Variants in DCAF6 observed in about 807,000 individuals in gnomAD.
DCAF6 encodes the protein DDB1- and CUL4-associated factor 6.
In DCAF6, 54 loss-of-function variants were observed where a neutral mutation model predicts 125.1. The ratio of observed to expected loss-of-function variants is 0.43; its 90% CI spans 0.35 to 0.54. The LOEUF is 0.54. Ranked by LOEUF, DCAF6 falls within the 20% of genes least tolerant of loss-of-function variation. The probability of loss-of-function intolerance (pLI) is 0.01; values close to 1 mark genes in which losing one functional copy is unlikely to be tolerated. For synonymous variants in DCAF6, 371 were observed against 390.4 expected, an observed-to-expected ratio of 0.95 and a Z score of 0.58; for missense variants, 934 against 1,161.7, an observed-to-expected ratio of 0.80 and a Z score of 2.85.
intron 2 of DCAF6, among the ~76,000 whole-genome samples, chr1:167,962,095 G>A (rs963446632): frequency 2.0e-5 from 3 of 152,126 alleles, no homozygotes; most frequent in African/African-American, 7.2e-5. Flanking sequence ...TTGATAAAGT[G>A]TATTTTAAGG....
At chr1:168,048,522 T>G (rs1689416709) in intron 16 of DCAF6, among the ~76,000 whole-genome samples, 1 of 152,218 alleles carries the variant, frequency 6.6e-6, no homozygotes, top group Non-Finnish European at 1.5e-5. Context: ...AATATTTACA[T>G]TCTTATAATT....
chr1:167,912,356 G>A, the DCAF6 span, among the ~76,000 whole-genome samples: 19 of 152,286 alleles, frequency 1.2e-4, no homozygotes, highest in East Asian at 1.2e-3. Flanking sequence ...ACCCAACATG[G>A]CGATTCCGGA....
the DCAF6 span, among the ~76,000 whole-genome samples, chr1:167,927,539 C>T: frequency 6.6e-6 from 1 of 152,178 alleles, no homozygotes; most frequent in Non-Finnish European, 1.5e-5. Flanking sequence ...TTCATTTTTA[C>T]TCTGAACTCT....
At chr1:168,062,810 TAA>T (rs1401928585) in intron 17 of DCAF6, among the ~76,000 whole-genome samples, 1 of 152,034 alleles carries the variant, frequency 6.6e-6, no homozygotes. Flanking sequence ...AATCATTTCT[TAA>T]GAGAGTAAAA....
At chr1:168,053,910 G>A (rs1381366286) in intron 17 of DCAF6, among the ~76,000 whole-genome samples, 1 of 152,100 alleles carries the variant, frequency 6.6e-6, no homozygotes, top group African/African-American at 2.4e-5. Flanking sequence ...AGCCTCATAA[G>A]CAGACCCTTC....
chr1:167,878,331 C>T, the DCAF6 span: 1 of 1,183,966 alleles, frequency 8.4e-7, no homozygotes, highest in Non-Finnish European at 1.2e-6. Context: ...CTGGGGAAAG[C>T]ATAGATTTCA....
At chr1:167,932,658 A>T (rs1270437225), upstream of DCAF6, among the ~76,000 whole-genome samples, 1 of 151,986 alleles carries the variant, frequency 6.6e-6, no homozygotes, top group East Asian at 1.9e-4. Flanking sequence ...AAAACACAAA[A>T]ATTAGCTGAG....
intron 1 of DCAF6, among the ~76,000 whole-genome samples, chr1:167,944,650 T>G (rs910834953): frequency 2.0e-5 from 3 of 152,176 alleles, no homozygotes; most frequent in African/African-American, 7.2e-5. Flanking sequence ...AATAGGATTG[T>G]TAGATTTTTT....
At chr1:167,896,388 G>A in the DCAF6 span, among the ~76,000 whole-genome samples, 1 of 152,196 alleles carries the variant, frequency 6.6e-6, no homozygotes, top group African/African-American at 2.4e-5. Flanking sequence ...AAAGGAGTCA[G>A]TGCCTAGGGA....
At chr1:167,882,663 G>C in the DCAF6 span, among the ~76,000 whole-genome samples, 1 of 151,942 alleles carries the variant, frequency 6.6e-6, no homozygotes, top group Non-Finnish European at 1.5e-5. Flanking sequence ...GAAACCCCTG[G>C]GTAATACATC....
At chr1:168,046,982 T>A (rs1334940854) in intron 16 of DCAF6, among the ~76,000 whole-genome samples, 2 of 152,122 alleles carry the variant, frequency 1.3e-5, no homozygotes, top group African/African-American at 4.8e-5. Context: ...CATAACTATT[T>A]AGCAGCTTCT....
the DCAF6 span, chr1:167,896,650 T>G: frequency 1.2e-6 from 2 of 1,613,594 alleles, no homozygotes; most frequent in Admixed American, 3.3e-5. Context: ...TTGTGAAAAA[T>G]TCATCAAAAT....
intron 7 of DCAF6, among the ~76,000 whole-genome samples, chr1:167,993,926 AT>A (rs1452088906): frequency 1.3e-5 from 2 of 152,136 alleles, no homozygotes; most frequent in Admixed American, 1.3e-4. Context: ...AAGCTAATAA[AT>A]TACTATCAGT....
At chr1:167,887,500 A>T in the DCAF6 span, among the ~76,000 whole-genome samples, 1 of 152,104 alleles carries the variant, frequency 6.6e-6, no homozygotes, top group Admixed American at 6.5e-5. Context: ...AACAATGAGA[A>T]CACTTAGACA....
chr1:167,870,753 G>A, the DCAF6 span, among the ~76,000 whole-genome samples: 5 of 150,816 alleles, frequency 3.3e-5, no homozygotes, highest in East Asian at 1.9e-4. Context: ...AGGTTGCAGC[G>A]AGCCGGGATC....
chr1:167,993,794 C>T (rs1275701692), intron 7 of DCAF6, among the ~76,000 whole-genome samples: 1 of 151,676 alleles, frequency 6.6e-6, no homozygotes, highest in African/African-American at 2.4e-5. Flanking sequence ...ACCCCATGTC[C>T]TTTATTCAAT....
chr1:167,870,531 T>G, the DCAF6 span: 1 of 856,246 alleles, frequency 1.2e-6, no homozygotes, highest in Non-Finnish European at 1.8e-6. Context: ...TGTGGCTCAC[T>G]CCTGTAATCC....
intron 2 of DCAF6, among the ~76,000 whole-genome samples, chr1:167,958,359 G>A (rs1675086121): frequency 6.8e-6 from 1 of 147,090 alleles, no homozygotes; most frequent in African/African-American, 2.5e-5. Flanking sequence ...TTTTTTTGGT[G>A]GCGATTATCT....
chr1:167,940,907 T>C (rs1456751396), intron 1 of DCAF6, among the ~76,000 whole-genome samples: 1 of 152,204 alleles, frequency 6.6e-6, no homozygotes, highest in East Asian at 1.9e-4. Context: ...TTAGTGGAGA[T>C]TGAATCTCAT....
Sources: allele counts gnomAD v4.1 joint callset (sites outside exome capture counted in the v4.1 genomes callset), GRCh38; gene constraint gnomAD v4.1.1; transcripts MANE v1.5; gene names NCBI Gene and HGNC (gene_info 2026-07-23, HGNC 2026-07-21).